SYNPO: variants seen among roughly 807,000 people sequenced by gnomAD.
SYNPO encodes the protein synaptopodin.
In SYNPO, 19 loss-of-function variants were observed where a neutral mutation model predicts 49.5. That is an observed-to-expected ratio of 0.38 (90% CI 0.27 to 0.56). The LOEUF is 0.56. SYNPO is among the 20% of genes least tolerant of loss of function. The pLI is 0.68. For synonymous variants in SYNPO, 536 were observed against 548.0 expected, an observed-to-expected ratio of 0.98 and a Z score of 0.31; for missense variants, 1,131 against 1,248.3, an observed-to-expected ratio of 0.91 and a Z score of 1.42.
chr5:150,601,392 C>A (rs1171212509), intron 1 of SYNPO, among the ~76,000 whole-genome samples: 2 of 152,108 alleles, frequency 1.3e-5, no homozygotes, highest in African/African-American at 4.8e-5. Context: ...GTCTCCCAGG[C>A]AGCGGGGCAG....
At chr5:150,599,495 C>T (rs961997864), upstream of SYNPO, among the ~76,000 whole-genome samples, 4 of 152,190 alleles carry the variant, frequency 2.6e-5, no homozygotes, top group African/African-American at 7.2e-5. Flanking sequence ...GAGGGTGACC[C>T]GCACTGGCTC....
At chr5:150,591,286 A>T in the SYNPO span, among the ~76,000 whole-genome samples, 3 of 152,184 alleles carry the variant, frequency 2.0e-5, no homozygotes, top group South Asian at 2.1e-4. Flanking sequence ...TGAGCCCGGG[A>T]CGGGGAGGCT....
chr5:150,638,943 TG>T (rs1433526168), upstream of SYNPO, among the ~76,000 whole-genome samples: 6 of 152,210 alleles, frequency 3.9e-5, 1 homozygote, highest in Admixed American at 3.9e-4. Context: ...AGGGTTGGAC[TG>T]GAGAGGTGGA....
intron 2 of SYNPO, chr5:150,652,135 G>A: frequency 1.0e-6 from 1 of 1,002,036 alleles, no homozygotes; most frequent in Non-Finnish European, 1.2e-6. Context: ...GGTATGCGTG[G>A]GGGAGTTGTG....
chr5:150,648,374 T>C lies in SYNPO; in HGVS notation c.99T>C (p.Asn33=), dbSNP rs748214237. Residue 33 remains asparagine, a synonymous_variant, in exon 2 of 3, where the codon AAT becomes AAC. Coordinates refer to ENST00000307662, the MANE Select transcript of SYNPO (RefSeq NM_007286.6). This position sits in a 1 kb window ranked among gnomAD's most constrained non-coding sequence, Gnocchi z 5.0. ...CACTGGTGGTTTATCTAAAGGAGAA[T>C]GCAGCACTGCTGACAGCCAATGGGC... ...EVPLVVYLKE[N]AALLTANGLH... 34 of 1,614,164 alleles carry C rather than the reference T, an allele frequency of 2.1e-5. No individual in the cohort carries two copies. Among genetic ancestry groups the C allele is most frequent in the Non-Finnish European group, 2.7e-5 (32 of 1,180,018 alleles).
Position 150,649,931 on chromosome 5 carries a change from C to T in SYNPO, c.1656C>T (p.Asn552=), listed in dbSNP as rs138232729. The change falls in exon 2 of 3, where the codon AAC becomes AAT. Residue 552 remains asparagine (N), a synonymous_variant. Coordinates refer to ENST00000307662, the MANE Select transcript of SYNPO (RefSeq NM_007286.6). ...TCTACCATGGCTACCTGCCTGAGAACGGGGTCCTGCGCCCAGAGCCCACCA... is the reference window on the plus strand; with the variant it reads ...TCTACCATGGCTACCTGCCTGAGAATGGGGTCCTGCGCCCAGAGCCCACCA... ...ASLYHGYLPE[N]GVLRPEPTKQ... The T allele has an allele frequency of 2.7e-5, 44 of 1,612,198 alleles. No homozygotes were observed. The highest frequency in any genetic ancestry group is 2.0e-4 in the East Asian group (9 of 44,878).
rs1758275715 is a variant in SYNPO, at chr5:150,649,644, A to C, written c.1369A>C (p.Lys457Gln). 1 of 1,609,062 alleles carries C rather than the reference A, an allele frequency of 6.2e-7. No homozygotes were observed. The highest frequency in any genetic ancestry group is 8.5e-7 in the Non-Finnish European group (1 of 1,179,824). ...GGTACCAGAGTGGGCCTCCTGCCTC[A>C]AGTCACCCCGCATCCAGGCCAAGCC... ...EVVPEWASCLKSPRIQAKPKP... is the reference protein window; with the variant it reads ...EVVPEWASCLQSPRIQAKPKP... The change falls in exon 2 of 3, where the codon AAG (lysine) becomes CAG (glutamine). Residue 457 changes from lysine (K) to glutamine (Q), a missense_variant. Lys to Gln is a moderately conservative substitution (Grantham distance 53). This residue lies in a region of SYNPO where 602 missense variants were observed against 720.7 expected (regional missense o/e 0.84). Transcript: ENST00000307662.
At chr5:150,638,080 TG>T (rs1757778672), upstream of SYNPO, among the ~76,000 whole-genome samples, 1 of 137,034 alleles carries the variant, frequency 7.3e-6, no homozygotes, top group Non-Finnish European at 1.6e-5. Context: ...GGTCTTGATT[TG>T]GGGTATGGGG....
At chr5:150,596,529 A>T (rs778800100), upstream of SYNPO, among the ~76,000 whole-genome samples, 42 of 152,238 alleles carry the variant, frequency 2.8e-4, no homozygotes, top group Admixed American at 7.2e-4. Context: ...CTGCTCAGGA[A>T]GTCCACCCCG....
At chr5:150,591,760 T>C in the SYNPO span, among the ~76,000 whole-genome samples, 1 of 152,236 alleles carries the variant, frequency 6.6e-6, no homozygotes, top group Non-Finnish European at 1.5e-5. Flanking sequence ...AAATTTTACC[T>C]AGAGCCTGAG....
chr5:150,593,651 G>C, the SYNPO span, among the ~76,000 whole-genome samples: 1 of 152,270 alleles, frequency 6.6e-6, no homozygotes, highest in Admixed American at 6.5e-5. Flanking sequence ...GTAGAGATGG[G>C]GTTTTGCCTC....
the SYNPO span, among the ~76,000 whole-genome samples, chr5:150,588,630 T>C: frequency 4.0e-5 from 6 of 150,422 alleles, no homozygotes; most frequent in African/African-American, 1.5e-4. Context: ...AGAAAAACCA[T>C]CCTATATGGC....
intron 2 of SYNPO, among the ~76,000 whole-genome samples, chr5:150,619,371 AGGCCTT>A (rs1757079850): frequency 6.6e-6 from 1 of 152,192 alleles, no homozygotes; most frequent in Non-Finnish European, 1.5e-5. Context: ...TTCCTCGCCT[AGGCCTT>A]GGTTTTTCAT....
At chr5:150,654,907 C>T (rs1581521854) in intron 2 of SYNPO, among the ~76,000 whole-genome samples, 1 of 152,268 alleles carries the variant, frequency 6.6e-6, no homozygotes, top group African/African-American at 2.4e-5. Context: ...GGGCGGATCA[C>T]CTGAGGTCAG....
At chr5:150,598,571 C>T (rs916999115), upstream of SYNPO, among the ~76,000 whole-genome samples, 1 of 152,184 alleles carries the variant, frequency 6.6e-6, no homozygotes, top group Non-Finnish European at 1.5e-5. Context: ...CCATTAATGG[C>T]GGTTTTCTTA....
intron 2 of SYNPO, chr5:150,650,739 TGTGG>T: frequency 7.7e-7 from 1 of 1,304,574 alleles, no homozygotes; most frequent in Non-Finnish European, 9.8e-7. Context: ...TGCCAGTGCC[TGTGG>T]AGTCAGCCAG....
chr5:150,656,699 C>T lies in SYNPO; in HGVS notation c.2324C>T (p.Ala775Val). Residue 775 changes from alanine (A) to valine (V), a missense_variant, in exon 3 of 3, where the codon GCG becomes GTG. Coordinates refer to ENST00000307662, the MANE Select transcript of SYNPO (RefSeq NM_007286.6). ...ARRKSASPRS[A>V]GAENPRPFSP... ...CGCAAGAGCGCCTCCCCGCGGTCGG[C>T]GGGCGCCGAGAACCCGCGGCCCTTC... 2.1e-6 allele frequency: 3 copies of T among 1,451,960 alleles called. No individual in the cohort carries two copies. The highest frequency in any genetic ancestry group is 2.7e-6 in the Non-Finnish European group (3 of 1,105,634). 89.9% of individuals were successfully genotyped at this position (1,451,960 alleles called of 1,614,324 possible).
At chr5:150,605,463 C>G (rs993392921) in intron 1 of SYNPO, among the ~76,000 whole-genome samples, 5 of 147,382 alleles carry the variant, frequency 3.4e-5, no homozygotes, top group Admixed American at 6.9e-5. Flanking sequence ...TCTGTGGGAT[C>G]AATGTGGCAA....
chr5:150,634,491 T>C (rs571611031), intron 2 of SYNPO, among the ~76,000 whole-genome samples: 4 of 152,128 alleles, frequency 2.6e-5, no homozygotes, highest in Admixed American at 2.6e-4. Context: ...GCATTTCATA[T>C]GGCTTATCCC....
Sources: gnomAD v4.1 joint callset for allele counts (sites outside exome capture counted in the v4.1 genomes callset) on GRCh38, gnomAD v4.1.1 for gene constraint, gnomAD v4.1.1 regional missense constraint, Gnocchi (gnomAD v3.1) non-coding constraint, MANE v1.5 for transcripts, NCBI Gene and HGNC (gene_info 2026-07-23, HGNC 2026-07-21) for gene names.